The following CYTH1 variants were observed in gnomAD, a reference collection of about 807,000 sequenced individuals.
CYTH1 encodes the protein cytohesin-1.
Under a neutral mutation model 61.8 loss-of-function variants are expected in CYTH1, and 18 were observed. That is an observed-to-expected ratio of 0.29 (90% CI 0.20 to 0.43). The LOEUF (loss-of-function observed/expected upper bound fraction) is 0.43, where lower values mean the gene tolerates loss of function less well. Among genes scored for constraint, CYTH1 ranks in the 20% least tolerant of loss-of-function variants. The pLI is 1.00. For synonymous variants in CYTH1, 174 were observed against 184.3 expected, an observed-to-expected ratio of 0.94 and a Z score of 0.45; for missense variants, 336 against 510.5, an observed-to-expected ratio of 0.66 and a Z score of 3.29.
intron 1 of CYTH1, among the ~76,000 whole-genome samples, chr17:78,725,908 C>T (rs1159139633): frequency 2.6e-5 from 4 of 152,174 alleles, no homozygotes; most frequent in African/African-American, 7.2e-5. Context: ...ATATATACCA[C>T]ACAATCAAGC....
chr17:78,734,510 G>A (rs1356427447), intron 1 of CYTH1, among the ~76,000 whole-genome samples: 7 of 133,068 alleles, frequency 5.3e-5, no homozygotes, highest in Non-Finnish European at 9.2e-5. Context: ...GTACGATTTC[G>A]GCTCAACGCA....
intron 1 of CYTH1, among the ~76,000 whole-genome samples, chr17:78,780,023 C>T (rs774243101): frequency 4.6e-5 from 7 of 152,230 alleles, no homozygotes; most frequent in African/African-American, 7.2e-5. Context: ...TTCCTGCCCA[C>T]GGCAGCAGGC....
intron 1 of CYTH1, chr17:78,723,680 A>C (rs1448906695): frequency 6.6e-6 from 1 of 152,346 alleles, no homozygotes; most frequent in Non-Finnish European, 1.5e-5. Flanking sequence ...GCATTTGCGC[A>C]CAGGCTGCAC....
At position 78,700,226 on chromosome 17, in the gene CYTH1, C is replaced by T; in HGVS notation, c.550+105G>A. On this transcript the variant is annotated intron_variant, in intron 7 of 13. Coordinates refer to ENST00000446868, the MANE Select transcript of CYTH1 (RefSeq NM_004762.6). This position sits in a 1 kb window ranked among gnomAD's most constrained non-coding sequence, Gnocchi z 5.1. ...TTATAACTATCATTGAGTAAACGTT[C>T]CTAGGCATGAATCTCAGCCCTTTTG... 3.1e-6 allele frequency: 3 copies of T among 965,226 alleles called. No homozygotes were observed. In the South Asian group the frequency reaches 5.5e-5, roughly 18 times the overall value. 59.8% of individuals were successfully genotyped at this position (965,226 alleles called of 1,614,324 possible).
chr17:78,776,455 G>A (rs1464249810), intron 1 of CYTH1, among the ~76,000 whole-genome samples: 2 of 151,772 alleles, frequency 1.3e-5, no homozygotes, highest in Non-Finnish European at 2.9e-5. Flanking sequence ...TCAGGAGTTC[G>A]AGACCAGCCT....
chr17:78,725,012 A>G (rs1271927335), intron 1 of CYTH1, among the ~76,000 whole-genome samples: 1 of 152,172 alleles, frequency 6.6e-6, no homozygotes, highest in Non-Finnish European at 1.5e-5. Context: ...TACAAAATGT[A>G]TATTGAGAGT....
At chr17:78,692,602 C>T (rs1598833353) in intron 10 of CYTH1, 109 bp from the exon 11 acceptor site, 3 of 978,672 alleles carry the variant, frequency 3.1e-6, no homozygotes, top group East Asian at 2.4e-5. Flanking sequence ...GGAGAGGCAT[C>T]AGGAGAACGT....
chr17:78,766,868 C>T (rs918163772), intron 1 of CYTH1, among the ~76,000 whole-genome samples: 1 of 152,178 alleles, frequency 6.6e-6, no homozygotes, highest in Non-Finnish European at 1.5e-5. Context: ...CCATTCAAAG[C>T]ATGGCCTGTG....
chr17:78,748,493 C>T (rs2093367712), intron 1 of CYTH1, among the ~76,000 whole-genome samples: 1 of 152,150 alleles, frequency 6.6e-6, no homozygotes, highest in African/African-American at 2.4e-5. Flanking sequence ...ATTATAAGCA[C>T]CAGCCATTTA....
intron 11 of CYTH1, among the ~76,000 whole-genome samples, chr17:78,689,059 C>T (rs1490187089): frequency 2.0e-5 from 3 of 152,160 alleles, no homozygotes; most frequent in Non-Finnish European, 4.4e-5. Context: ...GACAAGTACA[C>T]AGTGTGGGAA....
chr17:78,702,071 G>A (rs375282515), intron 5 of CYTH1, 51 bp downstream of exon 5: 2 of 1,420,366 alleles, frequency 1.4e-6, no homozygotes, highest in Non-Finnish European at 2.0e-6. Flanking sequence ...GTTTCTTTGT[G>A]TCGTTCCTGA....
At position 78,745,721 on chromosome 17, in the gene CYTH1, G is replaced by A. The variant is rs1015901379; in HGVS notation, c.23-35989C>T. Among the ~76,000 whole-genome samples, 4 of 152,124 alleles carry A rather than the reference G, an allele frequency of 2.6e-5. No homozygotes were observed. In the South Asian group the frequency reaches 6.2e-4, roughly 24 times the overall value. The stretch of plus-strand genomic sequence containing the variant: ...ATCTTGGCCAACATGGTGAAACCCC[G>A]TCTCTACTGAAAATACAAAAATTAG... On this transcript the variant is annotated intron_variant, in intron 1 of 13. Coordinates refer to ENST00000446868, the MANE Select transcript of CYTH1 (RefSeq NM_004762.6).
At chr17:78,704,861 T>G (rs1363027398) in intron 3 of CYTH1, among the ~76,000 whole-genome samples, 1 of 152,110 alleles carries the variant, frequency 6.6e-6, no homozygotes, top group Non-Finnish European at 1.5e-5. Flanking sequence ...AAACTGTGAG[T>G]AGTATCAGAA....
chr17:78,689,632 C>T (rs1054502589), intron 11 of CYTH1, among the ~76,000 whole-genome samples: 1 of 152,170 alleles, frequency 6.6e-6, no homozygotes. Context: ...TGGTACCGTC[C>T]TATGGCCTGA....
intron 6 of CYTH1, among the ~76,000 whole-genome samples, chr17:78,701,221 A>G (rs1414976466): frequency 6.6e-6 from 1 of 152,238 alleles, no homozygotes; most frequent in South Asian, 2.1e-4. Flanking sequence ...AGCACAAAAG[A>G]TGAAGTCATT....
intron 1 of CYTH1, among the ~76,000 whole-genome samples, chr17:78,754,092 C>T (rs190666095): frequency 6.6e-6 from 1 of 152,180 alleles, no homozygotes; most frequent in Admixed American, 6.5e-5. Flanking sequence ...GAAGCTATGT[C>T]ACATTGTGTG....
In CYTH1 at chr17:78,674,831, T is replaced by G. The variant is rs1230761230; in HGVS notation, c.*1260A>C. On this transcript the variant is annotated 3_prime_UTR_variant, in exon 14 of 14. Coordinates refer to ENST00000446868, the MANE Select transcript of CYTH1 (RefSeq NM_004762.6). Reference sequence around the variant, plus strand: ...GAGAACGGCAGGAAAATGCTGCGTGTCACGGCTCCCTTCATACTGTAATGA... The same window carrying G: ...GAGAACGGCAGGAAAATGCTGCGTGGCACGGCTCCCTTCATACTGTAATGA... 2 of 152,374 alleles carry G rather than the reference T, an allele frequency of 1.3e-5. No homozygotes were observed. Among genetic ancestry groups the G allele is most frequent in the African/African-American group, 4.8e-5 (2 of 41,452 alleles). 9.4% of individuals were successfully genotyped at this position (152,374 alleles called of 1,614,324 possible). A position where few individuals can be genotyped will look rare whatever the true frequency, so the allele number is the denominator to read the frequency against.
intron 1 of CYTH1, among the ~76,000 whole-genome samples, chr17:78,729,953 A>G (rs1400667724): frequency 6.6e-6 from 1 of 152,228 alleles, no homozygotes; most frequent in Non-Finnish European, 1.5e-5. Context: ...ATCTGGATCC[A>G]CAACTAACAC....
At chr17:78,686,199 T>C (rs757007207) in intron 11 of CYTH1, among the ~76,000 whole-genome samples, 64 of 152,358 alleles carry the variant, frequency 4.2e-4, no homozygotes, top group Middle Eastern at 3.4e-3. Flanking sequence ...ATCTCTGTGA[T>C]TGGCTCAAGC....
Sources: gnomAD v4.1 joint callset for allele counts (sites outside exome capture counted in the v4.1 genomes callset) on GRCh38, gnomAD v4.1.1 for gene constraint, Gnocchi (gnomAD v3.1) non-coding constraint, MANE v1.5 for transcripts, NCBI Gene and HGNC (gene_info 2026-07-23, HGNC 2026-07-21) for gene names.